Variants in COMMD10 observed in about 807,000 individuals in gnomAD.
The protein encoded by COMMD10 is COMM domain containing 10.
COMMD10 carries 33 observed loss-of-function variants against 28.9 expected under a neutral mutation model. That is an observed-to-expected ratio of 1.14 (90% CI 0.87 to 1.53). The LOEUF (loss-of-function observed/expected upper bound fraction) is 1.53, where lower values mean the gene tolerates loss of function less well. COMMD10 is among the 40% of genes most tolerant of loss of function. The pLI, the probability that COMMD10 is intolerant of heterozygous loss-of-function variation, is 0.00. For synonymous variants in COMMD10, 110 were observed against 81.7 expected, an observed-to-expected ratio of 1.35 and a Z score of -1.87; for missense variants, 310 against 233.4, an observed-to-expected ratio of 1.33 and a Z score of -2.14.
chr5:116,269,288 A>T (rs1410285808), intron 5 of COMMD10, among the ~76,000 whole-genome samples: 1 of 151,762 alleles, frequency 6.6e-6, no homozygotes, highest in Admixed American at 6.6e-5. Flanking sequence ...TAGAGGAAAG[A>T]TTTTCTCCCA....
chr5:116,179,051 A>C (rs1747852771), intron 5 of COMMD10, among the ~76,000 whole-genome samples: 1 of 152,034 alleles, frequency 6.6e-6, no homozygotes, highest in Admixed American at 6.6e-5. Context: ...TTACCTATGT[A>C]ATTTTATGAT....
At chr5:116,124,664 T>G (rs1751557339) in intron 4 of COMMD10, among the ~76,000 whole-genome samples, 1 of 152,140 alleles carries the variant, frequency 6.6e-6, no homozygotes, top group South Asian at 2.1e-4. Flanking sequence ...ATTTTAACAG[T>G]GGGGTGTTAA....
At chr5:116,261,217 G>C (rs963083398) in intron 5 of COMMD10, among the ~76,000 whole-genome samples, 3 of 151,706 alleles carry the variant, frequency 2.0e-5, no homozygotes, top group Non-Finnish European at 4.4e-5. Flanking sequence ...TGGTTAAAAA[G>C]AAGTTGATTA....
chr5:116,211,750 C>G (rs1207825907), intron 5 of COMMD10, among the ~76,000 whole-genome samples: 1 of 152,046 alleles, frequency 6.6e-6, no homozygotes. Context: ...TGTCTATTTG[C>G]AGCTACATTA....
intron 5 of COMMD10, among the ~76,000 whole-genome samples, chr5:116,142,088 G>A (rs1192840047): frequency 6.6e-6 from 1 of 151,718 alleles, no homozygotes; most frequent in Non-Finnish European, 1.5e-5. Context: ...CAAAGATGCA[G>A]GTAATCCATT....
At chr5:116,123,398 C>T (rs1218930846) in intron 4 of COMMD10, among the ~76,000 whole-genome samples, 1 of 152,106 alleles carries the variant, frequency 6.6e-6, no homozygotes, top group South Asian at 2.1e-4. Flanking sequence ...TTGAACCAGC[C>T]TTGTATCCCA....
chr5:116,172,806 A>T (rs1753380874), intron 5 of COMMD10, among the ~76,000 whole-genome samples: 1 of 152,150 alleles, frequency 6.6e-6, no homozygotes, highest in Non-Finnish European at 1.5e-5. Flanking sequence ...TGAGATAGTA[A>T]GATTTTGGAG....
At chr5:116,195,719 T>A (rs1748498795) in intron 5 of COMMD10, among the ~76,000 whole-genome samples, 1 of 151,900 alleles carries the variant, frequency 6.6e-6, no homozygotes, top group Non-Finnish European at 1.5e-5. Context: ...CAGTATTGTT[T>A]AATATTACTC....
chr5:116,216,161 C>T (rs1749096797), intron 5 of COMMD10, among the ~76,000 whole-genome samples: 1 of 152,164 alleles, frequency 6.6e-6, no homozygotes, highest in Admixed American at 6.5e-5. Context: ...TTGCCTACAT[C>T]TTTAACATTA....
intron 5 of COMMD10, among the ~76,000 whole-genome samples, chr5:116,279,964 G>T (rs568097060): frequency 6.6e-6 from 1 of 151,944 alleles, no homozygotes; most frequent in South Asian, 2.1e-4. Flanking sequence ...AACTGATTAG[G>T]ACATAGGTTC....
intron 4 of COMMD10, among the ~76,000 whole-genome samples, chr5:116,120,812 G>C (rs1010675904): frequency 2.0e-5 from 3 of 150,350 alleles, no homozygotes; most frequent in Non-Finnish European, 3.0e-5. Flanking sequence ...TTGCTTATCT[G>C]TTCACCTGTT....
At chr5:116,254,213 G>C (rs183030850) in intron 5 of COMMD10, among the ~76,000 whole-genome samples, 2 of 151,580 alleles carry the variant, frequency 1.3e-5, no homozygotes, top group African/African-American at 2.4e-5. Flanking sequence ...TCTTGCTAGC[G>C]GTCTATCAAT....
intron 5 of COMMD10, among the ~76,000 whole-genome samples, chr5:116,160,712 C>T (rs1348284497): frequency 6.6e-6 from 1 of 152,116 alleles, no homozygotes; most frequent in South Asian, 2.1e-4. Flanking sequence ...TTTTCTTGGT[C>T]ATCAGAACCT....
Position 116,091,103 on chromosome 5 carries a change from G to T in COMMD10, c.157G>T (p.Glu53Ter). Reference sequence around the variant, plus strand: ...GGCTGAGAGCAGTTTCAGTGAAGAAGAGGAAGAAAAACTTCAAGCGGCATT... The same window carrying T: ...GGCTGAGAGCAGTTTCAGTGAAGAATAGGAAGAAAAACTTCAAGCGGCATT... ...LKAESSFSEEEEEKLQAAFSL... is the reference protein window; with the variant it reads ...LKAESSFSEE Residue 53 changes from glutamate (E) to a stop codon, truncating the protein, a stop_gained, in exon 3 of 7, where the codon GAG (glutamate) becomes TAG (stop). Transcript: ENST00000274458. LOFTEE classifies it high-confidence loss of function. 1 of 1,610,520 alleles carries T rather than the reference G, an allele frequency of 6.2e-7. No homozygotes were observed. The highest frequency in any genetic ancestry group is 8.5e-7 in the Non-Finnish European group (1 of 1,177,864).
intron 5 of COMMD10, among the ~76,000 whole-genome samples, chr5:116,243,979 G>A (rs1749876354): frequency 6.6e-6 from 1 of 152,028 alleles, no homozygotes; most frequent in South Asian, 2.1e-4. Context: ...AAAGCCGGGA[G>A]GAAAACAATG....
chr5:116,285,170 CAA>C (rs929471346), intron 5 of COMMD10, among the ~76,000 whole-genome samples: 8 of 151,832 alleles, frequency 5.3e-5, no homozygotes, highest in African/African-American at 1.2e-4. Flanking sequence ...AGACCTGAAA[CAA>C]GAGTAAAAAT....
intron 4 of COMMD10, among the ~76,000 whole-genome samples, chr5:116,122,087 G>C (rs1451941909): frequency 6.6e-6 from 1 of 152,148 alleles, no homozygotes; most frequent in African/African-American, 2.4e-5. Flanking sequence ...TATTGCCTAG[G>C]TTTTCTTCTA....
chr5:116,263,009 G>C (rs1750488940), intron 5 of COMMD10, among the ~76,000 whole-genome samples: 1 of 151,726 alleles, frequency 6.6e-6, no homozygotes, highest in African/African-American at 2.4e-5. Flanking sequence ...GGTTTATATT[G>C]GTTGTCATGC....
chr5:116,223,221 G>A (rs1279851459), intron 5 of COMMD10, among the ~76,000 whole-genome samples: 1 of 151,448 alleles, frequency 6.6e-6, no homozygotes, highest in South Asian at 2.1e-4. Context: ...AAAGGAGATA[G>A]GATAAAATGT....
Sources: allele counts gnomAD v4.1 joint callset (sites outside exome capture counted in the v4.1 genomes callset), GRCh38; gene constraint gnomAD v4.1.1; transcripts MANE v1.5; gene names NCBI Gene and HGNC (gene_info 2026-07-23, HGNC 2026-07-21).